CDK5RAP2: variants seen among roughly 807,000 people sequenced by gnomAD.
The protein encoded by CDK5RAP2 is CDK5 regulatory subunit-associated protein 2.
In CDK5RAP2, 147 loss-of-function variants were observed where a neutral mutation model predicts 232.9. The ratio of observed to expected loss-of-function variants is 0.63; its 90% CI spans 0.55 to 0.72. CDK5RAP2 has a LOEUF of 0.72. Ranked by LOEUF, CDK5RAP2 falls within the 30% of genes least tolerant of loss-of-function variation. The probability of loss-of-function intolerance (pLI) is 0.00; values close to 1 mark genes in which losing one functional copy is unlikely to be tolerated. For missense variants in CDK5RAP2, 2,195 were observed against 2,231.5 expected (o/e 0.98, Z 0.33); for synonymous variants, 833 against 833.7 (o/e 1.00, Z 0.01).
At chr9:120,501,561 T>C (rs964944868) in intron 12 of CDK5RAP2, among the ~76,000 whole-genome samples, 1 of 152,238 alleles carries the variant, frequency 6.6e-6, no homozygotes, top group Admixed American at 6.5e-5. Context: ...ATTATTTGAC[T>C]TCCCTTCCAT....
At chr9:120,405,157 G>T (rs2033349002) in intron 32 of CDK5RAP2, among the ~76,000 whole-genome samples, 1 of 152,202 alleles carries the variant, frequency 6.6e-6, no homozygotes. Flanking sequence ...GCTCCATAGA[G>T]CTGGCCCCAA....
intron 12 of CDK5RAP2, among the ~76,000 whole-genome samples, chr9:120,494,398 C>G (rs538787986): frequency 6.6e-6 from 1 of 152,016 alleles, no homozygotes; most frequent in African/African-American, 2.4e-5. Context: ...AAACATAATA[C>G]GAAATGAGCC....
At chr9:120,520,658 AT>A (rs1564331924) in intron 11 of CDK5RAP2, among the ~76,000 whole-genome samples, 1 of 150,948 alleles carries the variant, frequency 6.6e-6, no homozygotes, top group African/African-American at 2.4e-5. Context: ...ATATATATAT[AT>A]CTCTCTCTCA....
In CDK5RAP2 at chr9:120,415,130, G is replaced by A. The variant is rs754282058; in HGVS notation, c.4207C>T (p.Arg1403Ter). 12 of 1,614,060 alleles carry A rather than the reference G, an allele frequency of 7.4e-6. 1 individual carries two copies. The highest frequency in any genetic ancestry group is 5.0e-5 in the Admixed American group (3 of 60,024). Residue 1403 changes from arginine to a stop codon, truncating the protein, a stop_gained, in exon 28 of 38, where the codon CGA becomes TGA. Transcript: ENST00000349780. LOFTEE classifies it high-confidence loss of function. The stretch of plus-strand genomic sequence containing the variant: ...TCTTCTAAACGCTTTCTCAAAGTTC[G>A]AATTTCCTGTATGTGTTCCATTAGT... ...DLLMEHIQEI[R>*]TLRKRLEESI...
At chr9:120,463,382 C>T (rs1413971111) in intron 18 of CDK5RAP2, among the ~76,000 whole-genome samples, 1 of 151,978 alleles carries the variant, frequency 6.6e-6, no homozygotes, top group Non-Finnish European at 1.5e-5. Context: ...AAAAACAAAA[C>T]AACAACAACA....
intron 17 of CDK5RAP2, among the ~76,000 whole-genome samples, chr9:120,469,246 C>T (rs2037554046): frequency 1.3e-5 from 2 of 152,164 alleles, no homozygotes; most frequent in African/African-American, 2.4e-5. Context: ...ACTCCGAATT[C>T]GTCCTTCGAA....
intron 16 of CDK5RAP2, 53 bp downstream of exon 16, chr9:120,471,695 C>T: frequency 1.2e-6 from 2 of 1,613,184 alleles, no homozygotes; most frequent in Non-Finnish European, 1.7e-6. Flanking sequence ...AAGTTCAGTC[C>T]ATGCCCTCCA....
intron 36 of CDK5RAP2, chr9:120,390,015 C>A (rs1167762626): frequency 1.8e-6 from 1 of 561,810 alleles, no homozygotes; most frequent in African/African-American, 1.9e-5. Context: ...CCCCGCTAAG[C>A]CACCACCTGA....
At chr9:120,452,017 A>G (rs2036505271) in intron 21 of CDK5RAP2, among the ~76,000 whole-genome samples, 1 of 151,890 alleles carries the variant, frequency 6.6e-6, no homozygotes. Flanking sequence ...ATATTTTAAT[A>G]TATTTGGGGA....
chr9:120,564,489 C>CAAA lies in CDK5RAP2; in HGVS notation c.195+3829_195+3831dup, dbSNP rs375788422. 6.5e-3 allele frequency among the ~76,000 whole-genome samples: 248 copies of CAAA among 38,086 alleles called. 7 individuals carry two copies. The highest frequency in any genetic ancestry group is 0.016 in the Middle Eastern group (1 of 62). The allele number at this position is 38,086 out of a possible 152,430, so 25.0% of individuals were successfully genotyped here. On this transcript the variant is annotated intron_variant, in intron 3 of 37. Coordinates refer to ENST00000349780, the MANE Select transcript of CDK5RAP2 (RefSeq NM_018249.6). ...TGGGCAACAGAGTGAGACTCTGTCT[C>CAAA]AAAAAAATAAAAAAATAAAAAATCA...
chr9:120,575,925 A>G (rs1201553371), intron 1 of CDK5RAP2, among the ~76,000 whole-genome samples: 1 of 152,224 alleles, frequency 6.6e-6, no homozygotes. Context: ...GATATGCCTC[A>G]AAGTTTTCAA....
At chr9:120,452,843 G>A (rs2036550260) in intron 21 of CDK5RAP2, among the ~76,000 whole-genome samples, 1 of 152,042 alleles carries the variant, frequency 6.6e-6, no homozygotes, top group Non-Finnish European at 1.5e-5. Flanking sequence ...TTAACCACCG[G>A]TTAACAACGG....
intron 34 of CDK5RAP2, among the ~76,000 whole-genome samples, chr9:120,401,554 G>A (rs906075364): frequency 7.2e-6 from 1 of 138,084 alleles, no homozygotes; most frequent in Admixed American, 8.1e-5. Flanking sequence ...CAAGGCTGCA[G>A]TGTGCCATAA....
At chr9:120,508,201 A>G (rs1048278646) in intron 12 of CDK5RAP2, among the ~76,000 whole-genome samples, 3 of 151,998 alleles carry the variant, frequency 2.0e-5, no homozygotes, top group Non-Finnish European at 2.9e-5. Flanking sequence ...TTTCTCCACA[A>G]TCTTAATGAG....
intron 3 of CDK5RAP2, among the ~76,000 whole-genome samples, chr9:120,559,964 A>G (rs2132120609): frequency 6.6e-6 from 1 of 152,306 alleles, no homozygotes; most frequent in South Asian, 2.1e-4. Flanking sequence ...CATAAAAAGG[A>G]ATCAGGGCAA....
intron 12 of CDK5RAP2, among the ~76,000 whole-genome samples, chr9:120,493,995 G>A (rs532530415): frequency 3.8e-4 from 57 of 152,000 alleles, no homozygotes; most frequent in African/African-American, 1.3e-3. Context: ...AGGAGGCTGA[G>A]GCAGGAGAAT....
At chr9:120,563,979 AAGG>A (rs1330317074) in intron 3 of CDK5RAP2, among the ~76,000 whole-genome samples, 1 of 152,190 alleles carries the variant, frequency 6.6e-6, no homozygotes, top group Non-Finnish European at 1.5e-5. Flanking sequence ...AACAAAAGAT[AAGG>A]AGACCAGGTG....
chr9:120,407,582 C>G, intron 31 of CDK5RAP2: 1 of 338,772 alleles, frequency 3.0e-6, no homozygotes, highest in Non-Finnish European at 5.6e-6. Context: ...ATTTTAAGAG[C>G]CACACTATAT....
chr9:120,425,109 A>C (rs923184249), intron 25 of CDK5RAP2, among the ~76,000 whole-genome samples: 5 of 152,098 alleles, frequency 3.3e-5, no homozygotes, highest in Non-Finnish European at 4.4e-5. Flanking sequence ...AGACCCATCA[A>C]AAACCTCTCC....
Sources: allele counts gnomAD v4.1 joint callset (sites outside exome capture counted in the v4.1 genomes callset), GRCh38; gene constraint gnomAD v4.1.1; transcripts MANE v1.5; gene names NCBI Gene and HGNC (gene_info 2026-07-23, HGNC 2026-07-21).